The following TTN variants were observed in gnomAD, a reference collection of about 807,000 sequenced individuals.
TTN encodes the protein connectin.
Under a neutral mutation model 3,223.0 loss-of-function variants are expected in TTN, and 1,525 were observed. The ratio of observed to expected loss-of-function variants is 0.47; its 90% CI spans 0.45 to 0.49. TTN has a LOEUF of 0.49. TTN is among the 20% of genes least tolerant of loss of function. The pLI is 0.00. For synonymous variants in TTN, 14,094 were observed against 15,161.0 expected, an observed-to-expected ratio of 0.93 and a Z score of 5.17; for missense variants, 40,786 against 43,424.0, an observed-to-expected ratio of 0.94 and a Z score of 5.40.
chr2:178,766,646 A>G, intron 40 of TTN, 34 bp from the exon 41 acceptor site: 3 of 1,551,364 alleles, frequency 1.9e-6, no homozygotes, highest in Non-Finnish European at 2.7e-6. Flanking sequence ...AACAACAACA[A>G]CAACAAAAAC....
chr2:178,605,257 C>G lies in TTN; in HGVS notation c.53920G>C (p.Asp17974His). The part of the protein sequence containing the change: ...TIKLRLSVRG[D>H]TIKVKAGEPV... ...TCTCCTGCCTTAACTTTGATAGTGT[C>G]TCCTCGAACACTCAGACGCAACTTA... Residue 17974 changes from aspartate (D) to histidine (H), a missense_variant, in exon 280 of 363, where the codon GAC becomes CAC. Asp to His is a moderately conservative substitution (Grantham distance 81). Coordinates refer to ENST00000589042, the MANE Select transcript of TTN (RefSeq NM_001267550.2). The G allele has an allele frequency of 6.2e-7, 1 of 1,603,546 alleles. No individual in the cohort carries two copies. Among genetic ancestry groups the G allele is most frequent in the Non-Finnish European group, 8.5e-7 (1 of 1,175,002 alleles).
In TTN at chr2:178,773,931, G is replaced by A. The variant is rs780754758; in HGVS notation, c.7237C>T (p.Leu2413Phe). ...IVIDKQSHML[L>F]IEDMTKEDAG... ...TCTTCCTTAGTCATGTCTTCAATGA[G>A]CAGCATATGAGATTGTTTGTCTATC... The change falls in exon 31 of 363, where the codon CTC (leucine) becomes TTC (phenylalanine). Residue 2413 changes from leucine to phenylalanine, a missense_variant. Physicochemically the swap from Leu to Phe is conservative, Grantham distance 22. Coordinates refer to ENST00000589042, the MANE Select transcript of TTN (RefSeq NM_001267550.2). 2 of 1,614,080 alleles carry A rather than the reference G, an allele frequency of 1.2e-6. No homozygotes were observed. Among genetic ancestry groups the A allele is most frequent in the South Asian group, 1.1e-5 (1 of 91,082 alleles).
rs1457424225 is a variant in TTN, at chr2:178,717,512, G to C, written c.25351+11C>G. 1 of 1,589,968 alleles carries C rather than the reference G, an allele frequency of 6.3e-7. No individual in the cohort carries two copies. The highest frequency in any genetic ancestry group is 2.2e-5 in the East Asian group (1 of 44,570). On this transcript the variant is annotated intron_variant, in intron 87 of 362. Coordinates refer to ENST00000589042, the MANE Select transcript of TTN (RefSeq NM_001267550.2). ...TGCTTTACAATGAAGAGGGTACTGT[G>C]AGTTACTCACCTGAGAGAATGAGCT... is the stretch of plus-strand genomic sequence containing the variant.
Position 178,726,039 on chromosome 2 carries a change from A to G in TTN, c.20283T>C (p.Pro6761=), listed in dbSNP as rs1467347098. The G allele has an allele frequency of 4.1e-5, 62 of 1,511,864 alleles. No individual in the cohort carries two copies. Among genetic ancestry groups the G allele is most frequent in the Non-Finnish European group, 5.0e-5 (56 of 1,130,154 alleles). 93.7% of individuals were successfully genotyped at this position (1,511,864 alleles called of 1,614,324 possible). ...CTATAGGAGGGAAGCTGCTAAAAACAGGTGGCTCTGCAAAAAACAAGAATT... is the reference window on the plus strand; with the variant it reads ...CTATAGGAGGGAAGCTGCTAAAAACGGGTGGCTCTGCAAAAAACAAGAATT... The part of the protein sequence containing the change: ...CSTKVIVKEP[P]VFSSFPPIVE... The change falls in exon 70 of 363, where the codon CCT becomes CCC. Residue 6761 remains proline, a synonymous_variant. Coordinates refer to ENST00000589042, the MANE Select transcript of TTN (RefSeq NM_001267550.2).
In TTN at chr2:178,568,468, T is replaced by C. The variant is rs780531285; in HGVS notation, c.77664A>G (p.Leu25888=). 1 of 1,613,392 alleles carries C rather than the reference T, an allele frequency of 6.2e-7. No homozygotes were observed. Among genetic ancestry groups the C allele is most frequent in the Non-Finnish European group, 8.5e-7 (1 of 1,179,584 alleles). The change falls in exon 326 of 363, where the codon CTA becomes CTG. Residue 25888 remains leucine (L), a synonymous_variant. Transcript: ENST00000589042. Reference sequence around the variant, plus strand: ...GTCCTTTTGGAGGATCAGGTTTATCTAGAGTTACAATTTCGATGGATGCTG... The same window carrying C: ...GTCCTTTTGGAGGATCAGGTTTATCCAGAGTTACAATTTCGATGGATGCTG... ...QKTASIEIVT[L]DKPDPPKGPV... is the part of the protein sequence containing the mutation.
intron 304 of TTN, 132 bp downstream of exon 304, chr2:178,588,406 T>A (rs1264582143): frequency 1.6e-6 from 2 of 1,250,824 alleles, no homozygotes; most frequent in East Asian, 4.9e-5. Context: ...GTAAAAGGTC[T>A]ATTTGGAAAA....
rs2050524390 is a variant in TTN at position 178,592,836 on chromosome 2, A to G, written c.59283T>C (p.Asn19761=). The part of the protein sequence containing the change: ...QTYKFRVLAV[N]AAGESDPAHV... The stretch of plus-strand genomic sequence containing the variant: ...GAGCTGGATCTGATTCACCAGCTGC[A>G]TTGACTGCTAACACTCTAAACTTAT... The change falls in exon 300 of 363, where the codon AAT becomes AAC. Residue 19761 remains asparagine (N), a synonymous_variant. Coordinates refer to ENST00000589042, the MANE Select transcript of TTN (RefSeq NM_001267550.2). The G allele has an allele frequency of 1.2e-6, 2 of 1,613,414 alleles. No homozygotes were observed. The highest frequency in any genetic ancestry group is 1.3e-5 in the African/African-American group (1 of 74,916).
chr2:178,756,180 T>G, intron 46 of TTN, 42 bp downstream of exon 46: 2 of 1,418,898 alleles, frequency 1.4e-6, no homozygotes, highest in Non-Finnish European at 9.7e-7. Flanking sequence ...CATAAAGCGA[T>G]GAGGATGAAA....
Position 178,766,556 on chromosome 2 carries a change from A to G in TTN, c.9528T>C (p.Asp3176=). 6.2e-7 allele frequency: 1 copy of G among 1,614,100 alleles called. No homozygotes were observed. Among genetic ancestry groups the G allele is most frequent in the Non-Finnish European group, 8.5e-7 (1 of 1,179,990 alleles). ...VEFEVNEDDV[D]AHWYKDGIEI... ...CAATGCCATCTTTATACCAGTGGGCATCAACATCGTCTTCATTGACCTCAA... is the reference window on the plus strand; with the variant it reads ...CAATGCCATCTTTATACCAGTGGGCGTCAACATCGTCTTCATTGACCTCAA... The change falls in exon 41 of 363, where the codon GAT becomes GAC. Residue 3176 remains aspartate, a synonymous_variant. Coordinates refer to ENST00000589042, the MANE Select transcript of TTN (RefSeq NM_001267550.2).
At chr2:178,596,265 A>G (rs1002091369) in intron 294 of TTN, among the ~76,000 whole-genome samples, 1 of 152,112 alleles carries the variant, frequency 6.6e-6, no homozygotes, top group Non-Finnish European at 1.5e-5. Context: ...TCAGGGGATT[A>G]CAGGTGTGAG....
chr2:178,729,244 G>A (rs750020898), intron 64 of TTN, 44 bp downstream of exon 64: 50 of 1,555,102 alleles, frequency 3.2e-5, no homozygotes, highest in African/African-American at 1.8e-4. Context: ...ATTTAAAAGC[G>A]TTACAGAATT....
chr2:178,724,761 C>T (rs1219517683), intron 71 of TTN: 1 of 410,344 alleles, frequency 2.4e-6, no homozygotes, highest in Non-Finnish European at 4.1e-6. Flanking sequence ...TTTGTTTTTC[C>T]CACCACTCTT....
In TTN at chr2:178,541,495, C is replaced by G; in HGVS notation, c.97582G>C (p.Gly32528Arg). 6.2e-7 allele frequency: 1 copy of G among 1,613,404 alleles called. No homozygotes were observed. The highest frequency in any genetic ancestry group is 8.5e-7 in the Non-Finnish European group (1 of 1,179,578). Residue 32528 changes from glycine to arginine, a missense_variant, in exon 350 of 363, where the codon GGC (glycine) becomes CGC (arginine). By Grantham distance (125) the Gly-to-Arg change is moderately radical (BLOSUM62 -2). Transcript: ENST00000589042. ...ACAATATATCCAGTCACTTGGGAGCCACCGTCATCCTCTGGTGGGTACCAA... is the reference window on the plus strand; with the variant it reads ...ACAATATATCCAGTCACTTGGGAGCGACCGTCATCCTCTGGTGGGTACCAA... ...LTWYPPEDDGGSQVTGYIVER... is the reference protein window; with the variant it reads ...LTWYPPEDDGRSQVTGYIVER...
At position 178,739,006 on chromosome 2, in the gene TTN, T is replaced by A; in HGVS notation, c.14092+135A>T. ...AGGTGAGTTCATAACCATGATTATGTCTGTGATTTCATTCTTACTCTAAAT... is the reference window on the plus strand; with the variant it reads ...AGGTGAGTTCATAACCATGATTATGACTGTGATTTCATTCTTACTCTAAAT... On this transcript the variant is annotated intron_variant, in intron 48 of 362. Coordinates refer to ENST00000589042, the MANE Select transcript of TTN (RefSeq NM_001267550.2). The A allele has an allele frequency of 2.6e-6, 3 of 1,169,172 alleles. No individual in the cohort carries two copies. In the South Asian group the frequency reaches 6.7e-5, roughly 26 times the overall value. The allele number at this position is 1,169,172 out of a possible 1,614,324, so 72.4% of individuals were successfully genotyped here.
chr2:178,718,162 T>C lies in TTN; in HGVS notation c.24844A>G (p.Thr8282Ala), dbSNP rs2077783131. 2.5e-6 allele frequency: 4 copies of C among 1,606,630 alleles called. No homozygotes were observed. The highest frequency in any genetic ancestry group is 3.4e-6 in the Non-Finnish European group (4 of 1,179,550). The change falls in exon 86 of 363, where the codon ACT becomes GCT. Residue 8282 changes from threonine (T) to alanine (A), a missense_variant. By Grantham distance (58) the Thr-to-Ala change is moderately conservative. Coordinates refer to ENST00000589042, the MANE Select transcript of TTN (RefSeq NM_001267550.2). ...GTTCCATCCACTTTACACTGTAAAG[T>C]TGCAGGTTCTCCAATGACTGCTTCC... ...HVEAVIGEPA[T>A]LQCKVDGTPE...
Position 178,588,180 on chromosome 2 carries a change from G to A in TTN, c.63227C>T (p.Thr21076Ile), listed in dbSNP as rs972090108. ...GPPTNFRVVD[T>I]TKHSITLGWG... Reference sequence around the variant, plus strand: ...CCCAAGAGTTATGGAATGTTTGGTTGTATCAACCACTCTGAAATTGGTTGG... The same window carrying A: ...CCCAAGAGTTATGGAATGTTTGGTTATATCAACCACTCTGAAATTGGTTGG... The change falls in exon 305 of 363, where the codon ACA (threonine) becomes ATA (isoleucine). Residue 21076 changes from threonine to isoleucine, a missense_variant. By Grantham distance (89) the Thr-to-Ile change is moderately conservative. Coordinates refer to ENST00000589042, the MANE Select transcript of TTN (RefSeq NM_001267550.2). 4 of 1,595,144 alleles carry A rather than the reference G, an allele frequency of 2.5e-6. No homozygotes were observed. The highest frequency in any genetic ancestry group is 2.6e-6 in the Non-Finnish European group (3 of 1,166,738).
rs773217500 is a variant in TTN at position 178,704,400 on chromosome 2, T to C, written c.29970A>G (p.Ala9990=). The C allele has an allele frequency of 8.7e-6, 14 of 1,613,118 alleles. No homozygotes were observed. The South Asian group carries it at 1.5e-4, about 18-fold the overall frequency. Residue 9990 remains alanine, a synonymous_variant, in exon 106 of 363, where the codon GCA becomes GCG. Transcript: ENST00000589042. ...TCACATCCTGAAGATGCCGTTCCCA[T>C]GCAGGCTCTGTTCATGTGATACAAC... The part of the protein sequence containing the change: ...ASAKLTVIEP[A]WERHLQDVTL...
intron 47 of TTN, chr2:178,748,678 A>C (rs995532617): frequency 1.2e-5 from 20 of 1,612,744 alleles, no homozygotes; most frequent in Non-Finnish European, 1.7e-5. Context: ...GCTTTAAGTC[A>C]AATGTAATAG....
chr2:178,545,707 T>C lies in TTN; in HGVS notation c.95417-14A>G. 6.2e-7 allele frequency: 1 copy of C among 1,607,968 alleles called. No homozygotes were observed. The highest frequency in any genetic ancestry group is 8.5e-7 in the Non-Finnish European group (1 of 1,175,798). ...GTGATGGAATAGCTGTTTATGAAAATAAGGATGATGAGAATTGCACAAAAT... is the reference window on the plus strand; with the variant it reads ...GTGATGGAATAGCTGTTTATGAAAACAAGGATGATGAGAATTGCACAAAAT... On this transcript the variant is annotated splice_polypyrimidine_tract_variant and intron_variant, in intron 343 of 362. Transcript: ENST00000589042.
Sources: gnomAD v4.1 joint callset for allele counts (sites outside exome capture counted in the v4.1 genomes callset) on GRCh38, gnomAD v4.1.1 for gene constraint, MANE v1.5 for transcripts, NCBI Gene and HGNC (gene_info 2026-07-23, HGNC 2026-07-21) for gene names.